The following PROZ variants were observed in gnomAD, a reference collection of about 807,000 sequenced individuals.
PROZ encodes protein Z, vitamin K dependent plasma glycoprotein, also known as vitamin K-dependent protein Z.
Under a neutral mutation model 34.9 loss-of-function variants are expected in PROZ, and 46 were observed. The ratio of observed to expected loss-of-function variants is 1.32; its 90% confidence interval spans 1.04 to 1.69. PROZ has a LOEUF of 1.69. Ranked by LOEUF, PROZ falls within the 40% of genes most tolerant of loss-of-function variation. The pLI is 0.00. For synonymous variants in PROZ, 195 were observed against 208.5 expected (o/e 0.94, Z 0.56); for missense variants, 530 against 520.4 (o/e 1.02, Z -0.18).
intron 2 of PROZ, 54 bp downstream of exon 2, chr13:113,160,231 GC>G: frequency 6.3e-7 from 1 of 1,584,096 alleles, no homozygotes; most frequent in Non-Finnish European, 8.7e-7. Flanking sequence ...ACTTCTGCTG[GC>G]CCAGGGAGCA....
rs370826050 is a variant in PROZ at position 113,171,806 on chromosome 13, G to A, written c.904G>A (p.Gly302Ser). The A allele has an allele frequency of 1.7e-5, 27 of 1,613,408 alleles. No individual in the cohort carries two copies. Among genetic ancestry groups the A allele is most frequent in the East Asian group, 4.5e-5 (2 of 44,888 alleles). Reference sequence around the variant, plus strand: ...CCCACGCACCAGGGGCCTCCTCAGCGGCTGGGCACGCAATGGCACTGACCT... The same window carrying A: ...CCCACGCACCAGGGGCCTCCTCAGCAGCTGGGCACGCAATGGCACTGACCT... Reference protein sequence around the residue: ...LIPRTRGLLSGWARNGTDLGN... With the variant: ...LIPRTRGLLSSWARNGTDLGN... The change falls in exon 8 of 8, where the codon GGC becomes AGC. Residue 302 changes from glycine to serine, a missense_variant. Transcript: ENST00000375547. This position sits in a 1 kb window ranked among gnomAD's most constrained non-coding sequence, Gnocchi z 5.1.
At chr13:113,164,450 G>C in intron 4 of PROZ, 63 bp from the exon 5 acceptor site, 1 of 1,573,130 alleles carries the variant, frequency 6.4e-7, no homozygotes, top group Non-Finnish European at 8.7e-7. Flanking sequence ...AGAACTGTGT[G>C]CAAGGCTGTG....
chr13:113,163,121 G>T lies in PROZ; in HGVS notation c.372G>T (p.Leu124=). Residue 124 remains leucine, a splice_region_variant and synonymous_variant, in exon 4 of 8, where the codon CTG becomes CTT. Coordinates refer to ENST00000375547, the MANE Select transcript of PROZ (RefSeq NM_003891.3). ...GCTATGAGGGCAGCAACTGCGAGCT[G>T]GGTGAGGCCCCGGCCGTCCCCTTCC... ...SPGYEGSNCE[L]AKNECHPERT... The T allele has an allele frequency of 6.5e-7, 1 of 1,550,374 alleles. No individual in the cohort carries two copies. Among genetic ancestry groups the T allele is most frequent in the Non-Finnish European group, 8.7e-7 (1 of 1,145,680 alleles).
chr13:113,169,712 G>A (rs1263495255), intron 6 of PROZ, among the ~76,000 whole-genome samples: 3 of 152,238 alleles, frequency 2.0e-5, no homozygotes, highest in Non-Finnish European at 4.4e-5. Context: ...AGTCAGGGAT[G>A]TTTTAACTCA....
chr13:113,165,988 T>G (rs1383466908), intron 6 of PROZ: 1 of 152,326 alleles, frequency 6.6e-6, no homozygotes, highest in Non-Finnish European at 1.5e-5. Flanking sequence ...TTTTCTTGCT[T>G]TCTGTATATC....
intron 6 of PROZ, among the ~76,000 whole-genome samples, chr13:113,166,607 G>T (rs765562160): frequency 7.2e-5 from 11 of 152,220 alleles, no homozygotes; most frequent in Non-Finnish European, 1.0e-4. Flanking sequence ...CCGAAGGGAG[G>T]CAAAGCAGAC....
rs2037124403 is a variant in PROZ, at chr13:113,171,968, G to A, written c.1066G>A (p.Val356Met). 6.2e-7 allele frequency: 1 copy of A among 1,613,428 alleles called. No individual in the cohort carries two copies. The highest frequency in any genetic ancestry group is 1.3e-5 in the African/African-American group (1 of 74,936). The change falls in exon 8 of 8, where the codon GTG becomes ATG. Residue 356 changes from valine to methionine, a missense_variant. Transcript: ENST00000375547. This position sits in a 1 kb window ranked among gnomAD's most constrained non-coding sequence, Gnocchi z 5.1. The stretch of plus-strand genomic sequence containing the variant: ...GGCCATGCACTGGATGGATGGAAGT[G>A]TGGTCACCAGAGAACACAGAGGCTC... ...VAAMHWMDGS[V>M]VTREHRGSWF...
chr13:113,159,218 A>G lies in PROZ; in HGVS notation c.70+488A>G, dbSNP rs777212690. 1.3e-6 allele frequency: 2 copies of G among 1,547,608 alleles called. No individual in the cohort carries two copies. Among genetic ancestry groups the G allele is most frequent in the Non-Finnish European group, 1.7e-6 (2 of 1,143,990 alleles). On this transcript the variant is annotated intron_variant, in intron 1 of 7. Coordinates refer to ENST00000375547, the MANE Select transcript of PROZ (RefSeq NM_003891.3). The surrounding 1 kb of genome is among the most constrained non-coding windows in gnomAD (Gnocchi z 4.6). ...CACCAGCCACTTCACTGAAGGAACG[A>G]CATGGACTCCATTCTGACTCTGCCT... is the stretch of plus-strand genomic sequence containing the variant.
rs1475163360 is a variant in PROZ, at chr13:113,159,306, C to T, written c.70+576C>T. On this transcript the variant is annotated intron_variant, in intron 1 of 7. Transcript: ENST00000375547. The surrounding 1 kb of genome is among the most constrained non-coding windows in gnomAD (Gnocchi z 4.6). ...AGCATCCCCGCTGGCCCCATGGTCT[C>T]CCGCTGGCCCCATGGTCTCCCACCC... is the stretch of plus-strand genomic sequence containing the variant. 1 of 1,499,904 alleles carries T rather than the reference C, an allele frequency of 6.7e-7. No individual in the cohort carries two copies. The highest frequency in any genetic ancestry group is 1.4e-5 in the African/African-American group (1 of 71,790). The allele number at this position is 1,499,904 out of a possible 1,614,324, so 92.9% of individuals were successfully genotyped here.
chr13:113,159,528 C>T lies in PROZ; in HGVS notation c.71-486C>T, dbSNP rs1409347123. 6.6e-6 allele frequency among the ~76,000 whole-genome samples: 1 copy of T among 152,178 alleles called. No homozygotes were observed. The highest frequency in any genetic ancestry group is 1.5e-5 in the Non-Finnish European group (1 of 68,036). ...GAAGAGGCTCCAGAGACCACTGCCG[C>T]GGGTCAACTCATTTGCCTTCTCCTC... is the stretch of plus-strand genomic sequence containing the variant. On this transcript the variant is annotated intron_variant, in intron 1 of 7. Coordinates refer to ENST00000375547, the MANE Select transcript of PROZ (RefSeq NM_003891.3). The surrounding 1 kb of genome is among the most constrained non-coding windows in gnomAD (Gnocchi z 4.6).
In PROZ at chr13:113,159,379, C is replaced by G; in HGVS notation, c.71-635C>G. ...TGCCCTGCCCAGCACTTACCGTAGCCGGACTTAGCTGAGCCCCCCCTGCTG... is the reference window on the plus strand; with the variant it reads ...TGCCCTGCCCAGCACTTACCGTAGCGGGACTTAGCTGAGCCCCCCCTGCTG... On this transcript the variant is annotated intron_variant, in intron 1 of 7. Transcript: ENST00000375547. The surrounding 1 kb of genome is among the most constrained non-coding windows in gnomAD (Gnocchi z 4.6). The G allele has an allele frequency of 8.8e-7, 1 of 1,136,598 alleles. No homozygotes were observed. Among genetic ancestry groups the G allele is most frequent in the Non-Finnish European group, 1.3e-6 (1 of 787,500 alleles). The allele number at this position is 1,136,598 out of a possible 1,614,324, so 70.4% of individuals were successfully genotyped here.
intron 6 of PROZ, among the ~76,000 whole-genome samples, chr13:113,166,862 G>T (rs751050041): frequency 3.3e-5 from 5 of 152,122 alleles, no homozygotes; most frequent in Non-Finnish European, 5.9e-5. Context: ...CTTACCCAAG[G>T]GAAGAGAGGG....
At position 113,171,448 on chromosome 13, in the gene PROZ, C is replaced by A; in HGVS notation, c.692-146C>A. 3.3e-6 allele frequency: 3 copies of A among 911,690 alleles called. No individual in the cohort carries two copies. The highest frequency in any genetic ancestry group is 5.0e-6 in the Non-Finnish European group (3 of 598,910). The allele number at this position is 911,690 out of a possible 1,614,324, so 56.5% of individuals were successfully genotyped here. Reference sequence around the variant, plus strand: ...TGGCCTTTCTGTCCGCAGAAAGGCACAGTGTCCACACCACGGGGCGGTGAG... The same window carrying A: ...TGGCCTTTCTGTCCGCAGAAAGGCAAAGTGTCCACACCACGGGGCGGTGAG... On this transcript the variant is annotated intron_variant, in intron 7 of 7. Coordinates refer to ENST00000375547, the MANE Select transcript of PROZ (RefSeq NM_003891.3). The surrounding 1 kb of genome is among the most constrained non-coding windows in gnomAD (Gnocchi z 5.1).
rs1345004083 is a variant in PROZ, at chr13:113,158,818, A to G, written c.70+88A>G. Reference sequence around the variant, plus strand: ...TGGATTTGTAGATGAGGCTTTTTCCAGGAGCCAGAGGAGCCCTGAGTGCCC... The same window carrying G: ...TGGATTTGTAGATGAGGCTTTTTCCGGGAGCCAGAGGAGCCCTGAGTGCCC... On this transcript the variant is annotated intron_variant, in intron 1 of 7. Transcript: ENST00000375547. This position sits in a 1 kb window ranked among gnomAD's most constrained non-coding sequence, Gnocchi z 4.3. 1.6e-6 allele frequency: 2 copies of G among 1,280,758 alleles called. No individual in the cohort carries two copies. The highest frequency in any genetic ancestry group is 2.2e-6 in the Non-Finnish European group (2 of 908,338). 79.3% of individuals were successfully genotyped at this position (1,280,758 alleles called of 1,614,324 possible).
At chr13:113,170,784 A>G (rs547462290) in intron 7 of PROZ, among the ~76,000 whole-genome samples, 2 of 152,162 alleles carry the variant, frequency 1.3e-5, no homozygotes, top group Admixed American at 1.3e-4. Flanking sequence ...GGATGACTTC[A>G]TTTCCCACTG....
rs1161599262 is a variant in PROZ at position 113,171,966 on chromosome 13, G to A, written c.1064G>A (p.Ser355Asn). The change falls in exon 8 of 8, where the codon AGT becomes AAT. Residue 355 changes from serine to asparagine, a missense_variant. By Grantham distance (46) the Ser-to-Asn change is conservative (BLOSUM62 1). Transcript: ENST00000375547. This position sits in a 1 kb window ranked among gnomAD's most constrained non-coding sequence, Gnocchi z 5.1. The stretch of plus-strand genomic sequence containing the variant: ...GCGGCCATGCACTGGATGGATGGAA[G>A]TGTGGTCACCAGAGAACACAGAGGC... Reference protein sequence around the residue: ...SVAAMHWMDGSVVTREHRGSW... With the variant: ...SVAAMHWMDGNVVTREHRGSW... 1 of 1,613,460 alleles carries A rather than the reference G, an allele frequency of 6.2e-7. No individual in the cohort carries two copies. The highest frequency in any genetic ancestry group is 1.7e-5 in the Admixed American group (1 of 60,008).
intron 6 of PROZ, among the ~76,000 whole-genome samples, chr13:113,168,693 G>A (rs889629751): frequency 2.0e-5 from 3 of 152,124 alleles, no homozygotes; most frequent in Non-Finnish European, 4.4e-5. Flanking sequence ...GTATTTGTGG[G>A]CTAATATCGC....
intron 5 of PROZ, 100 bp downstream of exon 5, chr13:113,164,744 G>T: frequency 1.3e-6 from 2 of 1,543,266 alleles, no homozygotes; most frequent in Non-Finnish European, 1.8e-6. Context: ...GCGGATTTGT[G>T]ATAAGCAGTT....
chr13:113,164,120 C>T (rs2036841553), intron 4 of PROZ, among the ~76,000 whole-genome samples: 1 of 152,074 alleles, frequency 6.6e-6, no homozygotes, highest in African/African-American at 2.4e-5. Context: ...ACTGGGACTA[C>T]AGGCACGCGC....
Sources: gnomAD v4.1 joint callset for allele counts (sites outside exome capture counted in the v4.1 genomes callset) on GRCh38, gnomAD v4.1.1 for gene constraint, Gnocchi (gnomAD v3.1) non-coding constraint, MANE v1.5 for transcripts, NCBI Gene and HGNC (gene_info 2026-07-23, HGNC 2026-07-21) for gene names.